The following SS18 variants were observed in gnomAD, a reference collection of about 807,000 sequenced individuals.
SS18 encodes protein SSXT.
Under a neutral mutation model 72.5 loss-of-function variants are expected in SS18, and 28 were observed. The observed-to-expected ratio is 0.39, with a 90% CI of 0.29 to 0.53. The LOEUF (loss-of-function observed/expected upper bound fraction) is 0.53. Ranked by LOEUF, SS18 falls within the 20% of genes least tolerant of loss-of-function variation. The pLI, the probability that SS18 is intolerant of heterozygous loss-of-function variation, is 0.76. For synonymous variants in SS18, 172 were observed against 164.2 expected (o/e 1.05, Z -0.37); for missense variants, 518 against 535.3 (o/e 0.97, Z 0.32).
chr18:26,086,005 C>G (rs2054608871), intron 2 of SS18: 1 of 151,634 alleles, frequency 6.6e-6, no homozygotes, highest in Admixed American at 6.6e-5. Context: ...TCCACAGATT[C>G]CACATCCTTT....
rs542557709 is a variant in SS18, at chr18:26,017,185, T to C, written c.*1169A>G. 1.5e-5 allele frequency: 3 copies of C among 205,372 alleles called. No homozygotes were observed. Among genetic ancestry groups the C allele is most frequent in the African/African-American group, 4.5e-5 (2 of 43,960 alleles). The allele number at this position is 205,372 out of a possible 1,614,324, so 12.7% of individuals were successfully genotyped here. On this transcript the variant is annotated 3_prime_UTR_variant, in exon 11 of 11. Transcript: ENST00000415083. ...TATCTAGAATGCAACCTCGGTGCTT[T>C]AAAAACAGATAGAATAAACCTCATC...
At chr18:26,038,262 T>C (rs950521094) in intron 7 of SS18, among the ~76,000 whole-genome samples, 3 of 152,014 alleles carry the variant, frequency 2.0e-5, no homozygotes, top group African/African-American at 7.3e-5. Flanking sequence ...TCAATAAACA[T>C]AAGCTTTGGC....
At chr18:26,090,766 G>C (rs12964835), upstream of SS18, 25,574 of 615,086 alleles carry the variant, frequency 0.042, 711 homozygotes, top group East Asian at 0.1. Flanking sequence ...GCGCACTCTG[G>C]GGGACCCCTA....
At chr18:26,047,848 T>C (rs1192453105) in intron 5 of SS18, among the ~76,000 whole-genome samples, 1 of 152,220 alleles carries the variant, frequency 6.6e-6, no homozygotes. Flanking sequence ...AGACTCCGTC[T>C]CAAAAAACAA....
rs116484856 is a variant in SS18 at position 26,022,266 on chromosome 18, A to G, written c.1231-3886T>C. On this transcript the variant is annotated intron_variant, in intron 10 of 10. Coordinates refer to ENST00000415083, the MANE Select transcript of SS18 (RefSeq NM_001007559.3). ...GTGCTCTACTAGGTGACAGAGACTC[A>G]ACAGTAATAAAAACAGACAAAGCGA... Among the ~76,000 whole-genome samples, 1,082 of 152,290 alleles carry G rather than the reference A, an allele frequency of 7.1e-3. 15 individuals carry two copies. The highest frequency in any genetic ancestry group is 0.025 in the African/African-American group (1,026 of 41,556).
chr18:26,073,538 T>C (rs572293919), intron 3 of SS18, among the ~76,000 whole-genome samples: 6 of 152,352 alleles, frequency 3.9e-5, no homozygotes, highest in Admixed American at 6.5e-5. Context: ...TGCACATTTA[T>C]AATGATGGTA....
At chr18:26,072,745 C>A (rs1386376507) in intron 3 of SS18, among the ~76,000 whole-genome samples, 2 of 132,550 alleles carry the variant, frequency 1.5e-5, no homozygotes, top group African/African-American at 6.0e-5. Context: ...TGCAGTGAGC[C>A]GAGATCACAC....
chr18:26,055,941 T>C (rs1163423359), intron 4 of SS18, among the ~76,000 whole-genome samples: 3 of 152,056 alleles, frequency 2.0e-5, no homozygotes, highest in Non-Finnish European at 4.4e-5. Context: ...GTATTTTTAG[T>C]AGAGACGGGA....
At chr18:26,033,051 AAC>A (rs1475891510) in intron 9 of SS18, among the ~76,000 whole-genome samples, 5 of 152,248 alleles carry the variant, frequency 3.3e-5, no homozygotes, top group African/African-American at 1.2e-4. Context: ...AATATTTTAA[AAC>A]AGAAACTAAA....
At chr18:26,073,061 G>T (rs965441426) in intron 3 of SS18, among the ~76,000 whole-genome samples, 2 of 151,824 alleles carry the variant, frequency 1.3e-5, no homozygotes, top group African/African-American at 4.8e-5. Flanking sequence ...AAATACACAT[G>T]AAACATCTGT....
At chr18:26,073,502 AGAT>A (rs1198999628) in intron 3 of SS18, among the ~76,000 whole-genome samples, 1 of 152,216 alleles carries the variant, frequency 6.6e-6, no homozygotes, top group Non-Finnish European at 1.5e-5. Flanking sequence ...TATTTCCATA[AGAT>A]GATGTTTGCC....
chr18:26,027,541 G>A (rs1269069781), intron 10 of SS18, among the ~76,000 whole-genome samples: 5 of 151,260 alleles, frequency 3.3e-5, no homozygotes, highest in Non-Finnish European at 3.0e-5. Flanking sequence ...GCATGGTAGC[G>A]CACACCTGTA....
intron 4 of SS18, 74 bp from the exon 5 acceptor site, chr18:26,052,919 T>A (rs1466222026): frequency 1.1e-6 from 1 of 938,570 alleles, no homozygotes; most frequent in Non-Finnish European, 1.5e-6. Context: ...CTGGAAATAA[T>A]TTTTTTTTTG....
intron 3 of SS18, chr18:26,064,712 T>C (rs1055045234): frequency 6.6e-6 from 1 of 152,020 alleles, no homozygotes; most frequent in African/African-American, 2.4e-5. Context: ...TACATCACCA[T>C]TTCTATTCAA....
chr18:26,080,273 C>A (rs1357501983), intron 2 of SS18: 3 of 933,310 alleles, frequency 3.2e-6, no homozygotes, highest in Non-Finnish European at 3.8e-6. Context: ...TTTTAAAAAA[C>A]CAACCAGCCA....
chr18:26,065,551 C>T (rs2054196973), intron 3 of SS18, among the ~76,000 whole-genome samples: 1 of 151,752 alleles, frequency 6.6e-6, no homozygotes, highest in Non-Finnish European at 1.5e-5. Flanking sequence ...CATGAATAAA[C>T]TAACTTATAC....
intron 3 of SS18, among the ~76,000 whole-genome samples, chr18:26,072,354 TAA>T (rs11339746): frequency 0.018 from 2,451 of 136,816 alleles, 50 homozygotes; most frequent in African/African-American, 0.058. Flanking sequence ...TAGACTGAGT[TAA>T]AAAAAAAAAA....
intron 1 of SS18, chr18:26,089,952 G>C (rs2054688257): frequency 6.5e-6 from 1 of 153,448 alleles, no homozygotes; most frequent in African/African-American, 2.4e-5. Flanking sequence ...GACCTTCCTT[G>C]CCCGCTCCTC....
chr18:26,074,265 G>GA (rs902614758), intron 3 of SS18, among the ~76,000 whole-genome samples: 26 of 146,334 alleles, frequency 1.8e-4, no homozygotes, highest in Non-Finnish European at 3.3e-4. Flanking sequence ...ACCAGAGTAA[G>GA]AAAAATGTAA....
Sources: allele counts gnomAD v4.1 joint callset (sites outside exome capture counted in the v4.1 genomes callset), GRCh38; gene constraint gnomAD v4.1.1; transcripts MANE v1.5; gene names NCBI Gene and HGNC (gene_info 2026-07-23, HGNC 2026-07-21).